RUNDC3B: variants seen among roughly 807,000 people sequenced by gnomAD.
RUNDC3B encodes the protein RUN domain containing 3B, also known as RUN domain-containing protein 3B.
Under a neutral mutation model 58.4 loss-of-function variants are expected in RUNDC3B, and 33 were observed. That is an observed-to-expected ratio of 0.56 (90% CI 0.43 to 0.75). The LOEUF is 0.75. Ranked by LOEUF, RUNDC3B falls within the 30% of genes least tolerant of loss-of-function variation. The pLI is 0.00. For synonymous variants in RUNDC3B, 193 were observed against 195.2 expected (o/e 0.99, Z 0.10); for missense variants, 501 against 535.7 (o/e 0.94, Z 0.64).
chr7:87,787,693 A>G lies in RUNDC3B; in HGVS notation c.956+9738A>G, dbSNP rs567548669. ...GAGGTCTTAATGTTTCTTCATCTAT[A>G]TAACAGAGATAACATACTCACTTTG... On this transcript the variant is annotated intron_variant, in intron 8 of 10. Coordinates refer to ENST00000394654, the MANE Select transcript of RUNDC3B (RefSeq NM_001134405.2). Among the ~76,000 whole-genome samples the G allele has an allele frequency of 2.0e-5, 3 of 152,272 alleles. No homozygotes were observed. The South Asian group carries it at 6.2e-4, about 32-fold the overall frequency.
intron 2 of RUNDC3B, chr7:87,693,776 A>G: frequency 2.9e-6 from 2 of 700,624 alleles, no homozygotes; most frequent in Non-Finnish European, 4.7e-6. Context: ...TTTATTTAGT[A>G]GGTAAAAGTA....
In RUNDC3B at chr7:87,741,025, C is replaced by T. The variant is rs529636520; in HGVS notation, c.549-474C>T. ...TTCAAGACCAGCCTGGCCAACGTGG[C>T]GAAACCCTGTCTCTACTAAAAATAC... On this transcript the variant is annotated intron_variant, in intron 5 of 10. Transcript: ENST00000394654. 3.3e-5 allele frequency among the ~76,000 whole-genome samples: 5 copies of T among 151,752 alleles called. No individual in the cohort carries two copies. The South Asian group carries it at 6.2e-4, about 19-fold the overall frequency.
chr7:87,769,457 T>G (rs1043662875), intron 6 of RUNDC3B, among the ~76,000 whole-genome samples: 1 of 152,144 alleles, frequency 6.6e-6, no homozygotes, highest in Non-Finnish European at 1.5e-5. Context: ...CAGGTTTGGT[T>G]GTTTTTTGTT....
intron 6 of RUNDC3B, among the ~76,000 whole-genome samples, chr7:87,759,416 C>T (rs1247957434): frequency 2.0e-5 from 3 of 151,806 alleles, no homozygotes; most frequent in Admixed American, 6.6e-5. Flanking sequence ...TATTTGATAG[C>T]CCAATGGGTG....
intron 2 of RUNDC3B, among the ~76,000 whole-genome samples, chr7:87,680,154 G>A (rs1481292645): frequency 6.7e-6 from 1 of 150,200 alleles, no homozygotes; most frequent in Non-Finnish European, 1.5e-5. Context: ...GTAATAGTTT[G>A]CTGAGAGTGA....
intron 4 of RUNDC3B, among the ~76,000 whole-genome samples, chr7:87,711,144 T>C (rs1830043716): frequency 6.6e-6 from 1 of 151,932 alleles, no homozygotes; most frequent in South Asian, 2.1e-4. Context: ...CTGACCAACA[T>C]GGATAAACCC....
intron 8 of RUNDC3B, among the ~76,000 whole-genome samples, chr7:87,799,525 C>T (rs1836006433): frequency 6.6e-6 from 1 of 152,108 alleles, no homozygotes; most frequent in African/African-American, 2.4e-5. Flanking sequence ...ATGATTTTCT[C>T]AGTGTGCCGT....
At chr7:87,771,341 T>C (rs1563198843) in intron 7 of RUNDC3B, among the ~76,000 whole-genome samples, 2 of 151,976 alleles carry the variant, frequency 1.3e-5, no homozygotes, top group Admixed American at 6.6e-5. Context: ...GGGGAAATTG[T>C]CATAATTTTA....
At chr7:87,733,054 C>T (rs533149646) in intron 4 of RUNDC3B, among the ~76,000 whole-genome samples, 2 of 152,120 alleles carry the variant, frequency 1.3e-5, no homozygotes, top group Admixed American at 1.3e-4. Flanking sequence ...AAGGAGTATG[C>T]CTTAACCCTA....
chr7:87,630,010 T>C (rs1216312896), intron 1 of RUNDC3B, among the ~76,000 whole-genome samples: 1 of 152,138 alleles, frequency 6.6e-6, no homozygotes, highest in African/African-American at 2.4e-5. Context: ...TTAAGTCTTA[T>C]ATCTGAGTAT....
rs115800855 is a variant in RUNDC3B at position 87,826,415 on chromosome 7, T to C, written c.1226-3470T>C. ...TGAAGTGTGAATCCATTAAACCTCT[T>C]TATTTCATACATTTCCAAGTATCAA... On this transcript the variant is annotated intron_variant, in intron 10 of 10. Coordinates refer to ENST00000394654, the MANE Select transcript of RUNDC3B (RefSeq NM_001134405.2). Among the ~76,000 whole-genome samples, 1,050 of 151,724 alleles carry C rather than the reference T, an allele frequency of 6.9e-3. 15 individuals carry two copies. The highest frequency in any genetic ancestry group is 0.024 in the African/African-American group (1,000 of 41,334).
intron 6 of RUNDC3B, among the ~76,000 whole-genome samples, chr7:87,761,459 C>T (rs1269202104): frequency 3.3e-5 from 5 of 152,050 alleles, no homozygotes; most frequent in Admixed American, 1.3e-4. Context: ...TGAAATTCTT[C>T]TCCTAGATAT....
intron 1 of RUNDC3B, among the ~76,000 whole-genome samples, chr7:87,642,187 A>G (rs1186872949): frequency 1.3e-5 from 2 of 152,018 alleles, no homozygotes; most frequent in Non-Finnish European, 2.9e-5. Context: ...CAAAACATAT[A>G]TATATATTTT....
chr7:87,770,783 A>T, intron 7 of RUNDC3B, 34 bp downstream of exon 7: 1 of 1,471,328 alleles, frequency 6.8e-7, no homozygotes, highest in Non-Finnish European at 9.4e-7. Flanking sequence ...ACTTAATTTT[A>T]TTCTAGTTAT....
At chr7:87,688,231 C>T (rs1489159326) in intron 2 of RUNDC3B, among the ~76,000 whole-genome samples, 1 of 151,820 alleles carries the variant, frequency 6.6e-6, no homozygotes, top group East Asian at 1.9e-4. Flanking sequence ...TTATGTATAC[C>T]TTAGTAAATT....
chr7:87,804,232 G>A (rs1218443064), intron 8 of RUNDC3B, among the ~76,000 whole-genome samples: 1 of 152,074 alleles, frequency 6.6e-6, no homozygotes, highest in African/African-American at 2.4e-5. Flanking sequence ...TGCTGGGAGA[G>A]CAAACACAAG....
At chr7:87,654,954 T>C (rs1038214516) in intron 2 of RUNDC3B, among the ~76,000 whole-genome samples, 7 of 152,168 alleles carry the variant, frequency 4.6e-5, no homozygotes, top group African/African-American at 1.7e-4. Context: ...AAAATCACTA[T>C]ACAGCAAATA....
intron 10 of RUNDC3B, among the ~76,000 whole-genome samples, chr7:87,822,402 G>A (rs1408229643): frequency 6.6e-6 from 1 of 152,166 alleles, no homozygotes; most frequent in African/African-American, 2.4e-5. Flanking sequence ...GTGCTGGAGA[G>A]GATGTGGAAA....
intron 4 of RUNDC3B, among the ~76,000 whole-genome samples, chr7:87,735,949 A>G (rs530777984): frequency 5.2e-4 from 79 of 152,314 alleles, no homozygotes; most frequent in African/African-American, 1.9e-3. Flanking sequence ...TTCTTGTCAC[A>G]TAAAAGGAAT....
Sources: gnomAD v4.1 joint callset for allele counts (sites outside exome capture counted in the v4.1 genomes callset) on GRCh38, gnomAD v4.1.1 for gene constraint, MANE v1.5 for transcripts, NCBI Gene and HGNC (gene_info 2026-07-23, HGNC 2026-07-21) for gene names.